LMBR1L: variants seen among roughly 807,000 people sequenced by gnomAD.
LMBR1L encodes protein LMBR1L.
A neutral mutation model predicts 67.3 loss-of-function variants in LMBR1L; 47 were observed. That is an observed-to-expected ratio of 0.70 (90% CI 0.55 to 0.89). LMBR1L has a LOEUF of 0.89. Ranked by LOEUF, LMBR1L falls within the 40% of genes least tolerant of loss-of-function variation. LMBR1L has a pLI of 0.00. For missense variants in LMBR1L, 533 were observed against 599.2 expected (o/e 0.89, Z 1.15); for synonymous variants, 247 against 250.3 (o/e 0.99, Z 0.13).
intron 2 of LMBR1L, chr12:49,106,679 T>C (rs539128886): frequency 8.1e-7 from 1 of 1,232,864 alleles, no homozygotes; most frequent in African/African-American, 1.5e-5. Flanking sequence ...GGCTTTCACA[T>C]TAACCATCTC....
chr12:49,103,305 G>T, intron 6 of LMBR1L, 146 bp from the exon 7 acceptor site: 1 of 706,158 alleles, frequency 1.4e-6, no homozygotes, highest in South Asian at 1.8e-5. Flanking sequence ...AGCATTAGCA[G>T]AATAGGGAGT....
rs1939603017 is a variant in LMBR1L, at chr12:49,097,925, C to T, written c.1402+19G>A. The stretch of plus-strand genomic sequence containing the variant: ...ATGATTACCACCCCCCACTAGCCTG[C>T]ACCCTCACTCCCTCTCACCAAAGGC... On this transcript the variant is annotated intron_variant, in intron 16 of 16. Coordinates refer to ENST00000267102, the MANE Select transcript of LMBR1L (RefSeq NM_018113.4). 31 of 1,604,650 alleles carry T rather than the reference C, an allele frequency of 1.9e-5. No individual in the cohort carries two copies. Among genetic ancestry groups the T allele is most frequent in the Non-Finnish European group, 2.5e-5 (29 of 1,172,750 alleles).
intron 5 of LMBR1L, 147 bp from the exon 6 acceptor site, chr12:49,103,960 T>C: frequency 1.3e-6 from 1 of 799,398 alleles, no homozygotes; most frequent in Non-Finnish European, 1.9e-6. Flanking sequence ...AGTTGCTCTG[T>C]CTTCCCACTC....
Position 49,098,044 on chromosome 12 carries a change from G to A in LMBR1L, c.1302C>T (p.Tyr434=). Residue 434 remains tyrosine (Y), a synonymous_variant, in exon 16 of 17, where the codon TAC becomes TAT. Transcript: ENST00000267102. The stretch of plus-strand genomic sequence containing the variant: ...AGGCTGCGTTGTAGAGGAACACAAT[G>A]TAGAAATTGCCCAGCCAGTTGAAGC... ...FGRFNWLGNF[Y]IVFLYNAAFA... is the part of the protein sequence containing the mutation. The A allele has an allele frequency of 6.2e-7, 1 of 1,614,158 alleles. No homozygotes were observed. Among genetic ancestry groups the A allele is most frequent in the Non-Finnish European group, 8.5e-7 (1 of 1,180,020 alleles).
rs761740511 is a variant in LMBR1L, at chr12:49,107,042, A to C, written c.76T>G (p.Ser26Ala). ...FHERIRECII[S>A]TLLFATLYIL... ...TACAGTGTTGCAAACAGAAGTGTTG[A>C]TATCTGTAGCAGAATATGAGCTGGG... The change falls in exon 2 of 17, where the codon TCA becomes GCA. Residue 26 changes from serine (S) to alanine (A), a missense_variant. Physicochemically the swap from Ser to Ala is moderately conservative, Grantham distance 99. Around this residue, in one of 3 missense-constraint regions of LMBR1L, gnomAD observed 246 missense variants for 249.0 expected, o/e 0.99. Transcript: ENST00000267102. The C allele has an allele frequency of 6.2e-7, 1 of 1,610,414 alleles. No homozygotes were observed. Among genetic ancestry groups the C allele is most frequent in the South Asian group, 1.1e-5 (1 of 91,026 alleles).
At chr12:49,110,373 C>G in intron 1 of LMBR1L, 111 bp downstream of exon 1, 2 of 1,068,228 alleles carry the variant, frequency 1.9e-6, no homozygotes, top group East Asian at 4.8e-5. Context: ...CTCCGTCGCC[C>G]GCCGCTGGCC....
chr12:49,104,596 G>A (rs759988024), intron 4 of LMBR1L, 45 bp from the exon 5 acceptor site: 1 of 1,568,284 alleles, frequency 6.4e-7, no homozygotes, highest in Non-Finnish European at 8.8e-7. Context: ...AAGGGGAGGG[G>A]CAACCCACAG....
At position 49,097,723 on chromosome 12, in the gene LMBR1L, C is replaced by G. The variant is rs575143385; in HGVS notation, c.1419G>C (p.Pro473=). The part of the protein sequence containing the change: ...LIRAFGLDRL[P]LPVSGFPQAS... ...CCTGGGGGAAACCGGAGACGGGCAGCGGCAGTCTGTCCAGCCCTGGAGAAG... is the reference window on the plus strand; with the variant it reads ...CCTGGGGGAAACCGGAGACGGGCAGGGGCAGTCTGTCCAGCCCTGGAGAAG... Residue 473 remains proline, a synonymous_variant, in exon 17 of 17, where the codon CCG becomes CCC. Coordinates refer to ENST00000267102, the MANE Select transcript of LMBR1L (RefSeq NM_018113.4). 8.7e-6 allele frequency: 14 copies of G among 1,613,824 alleles called. No individual in the cohort carries two copies. The highest frequency in any genetic ancestry group is 1.2e-5 in the Non-Finnish European group (14 of 1,180,002).
In LMBR1L at chr12:49,097,605, G is replaced by A. The variant is rs915607403; in HGVS notation, c.*67C>T. On this transcript the variant is annotated 3_prime_UTR_variant, in exon 17 of 17. Transcript: ENST00000267102. ...GGTCCTGAGGTCCAAGTAGCCTTGGGCTTCCCTCCAGGCCTAGGCAGCAGA... is the reference window on the plus strand; with the variant it reads ...GGTCCTGAGGTCCAAGTAGCCTTGGACTTCCCTCCAGGCCTAGGCAGCAGA... 1.4e-5 allele frequency: 22 copies of A among 1,523,800 alleles called. No individual in the cohort carries two copies. Among genetic ancestry groups the A allele is most frequent in the Non-Finnish European group, 1.8e-5 (20 of 1,103,524 alleles). The allele number at this position is 1,523,800 out of a possible 1,614,324, so 94.4% of individuals were successfully genotyped here. A position where few individuals can be genotyped will look rare whatever the true frequency, so the allele number is the denominator to read the frequency against.
chr12:49,105,889 C>T (rs755288509), intron 3 of LMBR1L, 35 bp downstream of exon 3: 39 of 1,592,080 alleles, frequency 2.4e-5, no homozygotes, highest in African/African-American at 8.1e-5. Context: ...TTCCTAAAGA[C>T]CACTGATGTT....
Position 49,102,104 on chromosome 12 carries a change from G to C in LMBR1L, c.930+16C>G. ...ACTGAGGGTCCACTCCTCACCTCTA[G>C]GGCTGGTATACCTACCGTCAGCACC... On this transcript the variant is annotated intron_variant, in intron 11 of 16. Coordinates refer to ENST00000267102, the MANE Select transcript of LMBR1L (RefSeq NM_018113.4). 1 of 1,612,220 alleles carries C rather than the reference G, an allele frequency of 6.2e-7. No individual in the cohort carries two copies. The highest frequency in any genetic ancestry group is 8.5e-7 in the Non-Finnish European group (1 of 1,178,354).
chr12:49,101,880 C>G (rs1275109620), intron 11 of LMBR1L: 2 of 588,072 alleles, frequency 3.4e-6, no homozygotes, highest in Non-Finnish European at 3.0e-6. Context: ...CAAACCTGCA[C>G]AACTCCTCAC....
chr12:49,107,438 G>T (rs1941048060), intron 1 of LMBR1L, among the ~76,000 whole-genome samples: 1 of 152,218 alleles, frequency 6.6e-6, no homozygotes, highest in Non-Finnish European at 1.5e-5. Context: ...CACATTATTG[G>T]GAATGAAAGC....
intron 11 of LMBR1L, 112 bp from the exon 12 acceptor site, chr12:49,101,661 C>T (rs111580186): frequency 1.1e-5 from 8 of 749,420 alleles, no homozygotes; most frequent in African/African-American, 1.0e-4. Flanking sequence ...ACTAGCTCTG[C>T]TTCCAATGAG....
chr12:49,107,699 A>G (rs192981946), intron 1 of LMBR1L, among the ~76,000 whole-genome samples: 42 of 152,322 alleles, frequency 2.8e-4, no homozygotes, highest in Admixed American at 2.7e-3. Flanking sequence ...GTGTTTCTAG[A>G]GCTGGCTGGA....
In LMBR1L at chr12:49,097,725, GCAGTCTGTC is replaced by G. The variant is rs1939566810; in HGVS notation, c.1408_1416del (p.Asp470_Leu472del). ...TGGGGGAAACCGGAGACGGGCAGCG[GCAGTCTGTC>G]CAGCCCTGGAGAAGAGGAGATGGGC... On this transcript the variant is annotated inframe_deletion, in exon 17 of 17. Transcript: ENST00000267102. The G allele has an allele frequency of 6.2e-7, 1 of 1,613,870 alleles. No homozygotes were observed. The highest frequency in any genetic ancestry group is 8.5e-7 in the Non-Finnish European group (1 of 1,180,002).
In LMBR1L at chr12:49,104,585, T is replaced by TA. The variant is rs761236922; in HGVS notation, c.332-35dup. The TA allele has an allele frequency of 5.7e-5, 91 of 1,588,910 alleles. No individual in the cohort carries two copies. The East Asian group carries it at 1.9e-3, about 32-fold the overall frequency. ...AAAAAGGAAGAGCAGAAGTGGTCAG[T>TA]AAGGGGAGGGGCAACCCACAGGAGA... On this transcript the variant is annotated intron_variant, in intron 4 of 16. Transcript: ENST00000267102.
chr12:49,104,615 C>T, intron 4 of LMBR1L, 64 bp from the exon 5 acceptor site: 1 of 1,566,110 alleles, frequency 6.4e-7, no homozygotes, highest in East Asian at 2.2e-5. Context: ...AGGAGACTGA[C>T]CATTTGCAGG....
chr12:49,099,806 C>T (rs1482745621), intron 15 of LMBR1L, among the ~76,000 whole-genome samples: 1 of 152,184 alleles, frequency 6.6e-6, no homozygotes, highest in African/African-American at 2.4e-5. Flanking sequence ...GTCTCGAAAT[C>T]CTGACCTCAG....
Sources: gnomAD v4.1 joint callset for allele counts (sites outside exome capture counted in the v4.1 genomes callset) on GRCh38, gnomAD v4.1.1 for gene constraint, gnomAD v4.1.1 regional missense constraint, MANE v1.5 for transcripts, NCBI Gene and HGNC (gene_info 2026-07-23, HGNC 2026-07-21) for gene names.